Variants in CDH2 observed in about 807,000 individuals in gnomAD.
CDH2 encodes the protein cadherin-2.
Under a neutral mutation model 92.0 loss-of-function variants are expected in CDH2, and 17 were observed. The ratio of observed to expected loss-of-function variants is 0.18; its 90% CI spans 0.13 to 0.28. The LOEUF (loss-of-function observed/expected upper bound fraction) is 0.28. CDH2 is among the 10% of genes least tolerant of loss of function. The pLI, the probability that CDH2 is intolerant of heterozygous loss-of-function variation, is 1.00. For missense variants in CDH2, 862 were observed against 1,133.1 expected (o/e 0.76, Z 3.44); for synonymous variants, 419 against 415.9 (o/e 1.01, Z -0.09).
rs17498636 is a variant in CDH2 at position 28,122,699 on chromosome 18, G to A, written c.172+24974C>T. The stretch of plus-strand genomic sequence containing the variant: ...CTAAGAAATAAACTCTTTAAATCAC[G>A]ACCTTATAAGGTGATTCCATCAAAC... On this transcript the variant is annotated intron_variant, in intron 2 of 15. Coordinates refer to ENST00000269141, the MANE Select transcript of CDH2 (RefSeq NM_001792.5). Among the ~76,000 whole-genome samples the A allele has an allele frequency of 6.2e-4, 94 of 152,150 alleles. 1 individual carries two copies. In the East Asian group the frequency reaches 0.016, roughly 26 times the overall value.
Position 27,985,165 on chromosome 18 carries a change from T to C in CDH2, c.2044A>G (p.Ile682Val). The change falls in exon 13 of 16, where the codon ATC becomes GTC. Residue 682 changes from isoleucine (I) to valine (V), a missense_variant. Transcript: ENST00000269141. ...TTGGGAGGATTACCCGAATCTGTGATTATGATGGGAACTTCATAGATACCA... is the reference window on the plus strand; with the variant it reads ...TTGGGAGGATTACCCGAATCTGTGACTATGATGGGAACTTCATAGATACCA... The part of the protein sequence containing the change: ...EAGIYEVPII[I>V]TDSGNPPKSN... 6.2e-7 allele frequency: 1 copy of C among 1,613,928 alleles called. No homozygotes were observed. Among genetic ancestry groups the C allele is most frequent in the Non-Finnish European group, 8.5e-7 (1 of 1,179,792 alleles).
At chr18:28,118,492 C>T (rs926363523) in intron 2 of CDH2, among the ~76,000 whole-genome samples, 2 of 151,968 alleles carry the variant, frequency 1.3e-5, no homozygotes, top group African/African-American at 4.8e-5. Context: ...AAGAATGACA[C>T]AAAGCAAGAC....
chr18:27,943,612 T>C (rs2143837350), intron 6 of CDH2, among the ~76,000 whole-genome samples: 1 of 152,296 alleles, frequency 6.6e-6, no homozygotes, highest in Non-Finnish European at 1.5e-5. Context: ...ATGAAGTAAT[T>C]ACTATAAATA....
At chr18:28,027,850 T>TG (rs932929796) in intron 2 of CDH2, among the ~76,000 whole-genome samples, 11 of 151,848 alleles carry the variant, frequency 7.2e-5, no homozygotes, top group African/African-American at 2.7e-4. Context: ...TGTTTTGTTT[T>TG]TTTTTTTTGC....
intron 2 of CDH2, among the ~76,000 whole-genome samples, chr18:28,067,253 T>A (rs17494276): frequency 0.013 from 2,032 of 152,308 alleles, 54 homozygotes; most frequent in African/African-American, 0.046. Context: ...TTAAAGTATA[T>A]AATTCAATGG....
chr18:27,987,512 A>T (rs189273258), intron 11 of CDH2, among the ~76,000 whole-genome samples: 2 of 152,342 alleles, frequency 1.3e-5, no homozygotes, highest in Admixed American at 6.5e-5. Context: ...AATATTTTAC[A>T]ATTTGAAAAT....
At chr18:27,982,362 A>T (rs755658229) in intron 14 of CDH2, among the ~76,000 whole-genome samples, 2 of 152,204 alleles carry the variant, frequency 1.3e-5, no homozygotes, top group Non-Finnish European at 2.9e-5. Context: ...GGAGATTCTG[A>T]CATCTATTGA....
rs546180276 is a variant in CDH2, at chr18:28,067,398, TACC to T, written c.173-53492_173-53490del. 1.5e-3 allele frequency among the ~76,000 whole-genome samples: 227 copies of T among 152,262 alleles called. 2 individuals are homozygous for T. Among genetic ancestry groups the T allele is most frequent in the African/African-American group, 5.1e-3 (214 of 41,554 alleles). On this transcript the variant is annotated intron_variant, in intron 2 of 15. Coordinates refer to ENST00000269141, the MANE Select transcript of CDH2 (RefSeq NM_001792.5). ...ACCCCTCTCCCCAATCCCAATCCCC[TACC>T]ACCCAACCTTAGGCAACTACTAATC... is the stretch of plus-strand genomic sequence containing the variant.
chr18:28,151,143 A>G (rs1421928181), intron 1 of CDH2, among the ~76,000 whole-genome samples: 1 of 152,222 alleles, frequency 6.6e-6, no homozygotes, highest in Non-Finnish European at 1.5e-5. Context: ...GAATCCCCTT[A>G]GGGGGGCTGA....
chr18:28,152,866 A>G (rs1229660625), intron 1 of CDH2, among the ~76,000 whole-genome samples: 2 of 152,170 alleles, frequency 1.3e-5, no homozygotes, highest in African/African-American at 4.8e-5. Context: ...GGAATGAAAA[A>G]GGGGCAGATT....
intron 2 of CDH2, among the ~76,000 whole-genome samples, chr18:28,046,865 T>C (rs754935357): frequency 7.9e-5 from 12 of 152,190 alleles, no homozygotes; most frequent in Admixed American, 1.3e-4. Flanking sequence ...ATTGGAGTAA[T>C]GGATAAAAGT....
At chr18:28,110,708 G>C (rs1224611184) in intron 2 of CDH2, among the ~76,000 whole-genome samples, 1 of 152,086 alleles carries the variant, frequency 6.6e-6, no homozygotes, top group African/African-American at 2.4e-5. Context: ...AATGCATACT[G>C]TAATTGCTAA....
At position 28,011,869 on chromosome 18, in the gene CDH2, G is replaced by A. The variant is rs574618454; in HGVS notation, c.523C>T (p.Pro175Ser). ...ACCCTGACAAGCTCTTGAGGAAAAG[G>A]TCCCCTGGAGTTTTCTGGCAAGTTG... ...PINLPENSRGPFPQELVRIRS... is the reference protein window; with the variant it reads ...PINLPENSRGSFPQELVRIRS... The change falls in exon 4 of 16, where the codon CCT becomes TCT. Residue 175 changes from proline (P) to serine (S), a missense_variant. Around this residue, in one of 5 missense-constraint regions of CDH2, gnomAD observed 21 missense variants for 61.8 expected, o/e 0.34. Transcript: ENST00000269141. The A allele has an allele frequency of 1.2e-6, 2 of 1,614,046 alleles. No homozygotes were observed. The highest frequency in any genetic ancestry group is 2.2e-5 in the East Asian group (1 of 44,870).
At chr18:28,106,053 A>C (rs1368988744) in intron 2 of CDH2, among the ~76,000 whole-genome samples, 2 of 152,244 alleles carry the variant, frequency 1.3e-5, no homozygotes, top group Non-Finnish European at 2.9e-5. Flanking sequence ...TCAGGCAGTT[A>C]ATGTGAGATT....
At chr18:28,089,946 T>C (rs534636090) in intron 2 of CDH2, among the ~76,000 whole-genome samples, 1 of 152,284 alleles carries the variant, frequency 6.6e-6, no homozygotes, top group South Asian at 2.1e-4. Flanking sequence ...CCACGTGAAT[T>C]ATGCTCTTAT....
intron 14 of CDH2, among the ~76,000 whole-genome samples, chr18:27,972,704 C>A (rs1416081386): frequency 6.6e-6 from 1 of 152,116 alleles, no homozygotes; most frequent in Non-Finnish European, 1.5e-5. Flanking sequence ...GAAGAGGGCC[C>A]ACAGCAGTTC....
chr18:27,959,903 G>A (rs1420977535), intron 15 of CDH2, among the ~76,000 whole-genome samples: 7 of 151,806 alleles, frequency 4.6e-5, no homozygotes, highest in East Asian at 3.9e-4. Context: ...TAATCCCAGC[G>A]CTTTGGAAGG....
intron 2 of CDH2, among the ~76,000 whole-genome samples, chr18:28,137,197 T>G (rs939090211): frequency 2.0e-5 from 3 of 152,092 alleles, no homozygotes; most frequent in Admixed American, 1.3e-4. Flanking sequence ...AATGCATTGT[T>G]ACAAAGAATG....
intron 7 of CDH2, 91 bp downstream of exon 7, chr18:28,002,906 T>C (rs2012809712): frequency 9.1e-7 from 1 of 1,095,876 alleles, no homozygotes. Flanking sequence ...ACTGTGAGTA[T>C]ATTGTGATGT....
Sources: gnomAD v4.1 joint callset for allele counts (sites outside exome capture counted in the v4.1 genomes callset) on GRCh38, gnomAD v4.1.1 for gene constraint, gnomAD v4.1.1 regional missense constraint, MANE v1.5 for transcripts, NCBI Gene and HGNC (gene_info 2026-07-23, HGNC 2026-07-21) for gene names.